The following CNOT4 variants were observed in gnomAD, a reference collection of about 807,000 sequenced individuals.
CNOT4 encodes the protein CCR4-NOT transcription complex subunit 4.
A neutral mutation model predicts 73.8 loss-of-function variants in CNOT4; 8 were observed. The ratio of observed to expected loss-of-function variants is 0.11; its 90% CI spans 0.06 to 0.20. CNOT4 has a LOEUF of 0.20. Among genes scored for constraint, CNOT4 ranks in the 10% least tolerant of loss-of-function variants. The pLI, the probability that CNOT4 is intolerant of heterozygous loss-of-function variation, is 1.00. For synonymous variants in CNOT4, 293 were observed against 321.1 expected (o/e 0.91, Z 0.94); for missense variants, 564 against 883.4 (o/e 0.64, Z 4.58).
At chr7:135,456,237 C>A (rs150524421) in intron 1 of CNOT4, among the ~76,000 whole-genome samples, 56 of 152,282 alleles carry the variant, frequency 3.7e-4, no homozygotes, top group Non-Finnish European at 7.6e-4. Flanking sequence ...CATATTACAA[C>A]AAACTGATTT....
intron 1 of CNOT4, among the ~76,000 whole-genome samples, chr7:135,504,482 T>TA: frequency 1.7e-5 from 1 of 57,176 alleles, no homozygotes; most frequent in East Asian, 3.4e-4. Flanking sequence ...TTTTTTTTTT[T>TA]TTTTTTTATT....
chr7:135,458,754 C>T (rs1370374094), intron 1 of CNOT4, among the ~76,000 whole-genome samples: 1 of 152,074 alleles, frequency 6.6e-6, no homozygotes, highest in Non-Finnish European at 1.5e-5. Context: ...TGCAGCAATT[C>T]AGTCACATCT....
intron 1 of CNOT4, among the ~76,000 whole-genome samples, chr7:135,441,956 C>A (rs1799506004): frequency 6.6e-6 from 1 of 152,150 alleles, no homozygotes; most frequent in Admixed American, 6.5e-5. Context: ...CAGAAGCCAG[C>A]TGCCAAAAGT....
chr7:135,373,179 G>C (rs1458244043), intron 10 of CNOT4, among the ~76,000 whole-genome samples: 1 of 152,132 alleles, frequency 6.6e-6, no homozygotes, highest in Non-Finnish European at 1.5e-5. Flanking sequence ...ATGATCTGAG[G>C]AAAGTGAAAA....
At chr7:135,398,138 TA>T in intron 8 of CNOT4, 30 bp downstream of exon 8, 1 of 1,241,330 alleles carries the variant, frequency 8.1e-7, no homozygotes, top group Non-Finnish European at 1.2e-6. Flanking sequence ...GTATGGCAAA[TA>T]AATCAAGTGA....
intron 2 of CNOT4, among the ~76,000 whole-genome samples, chr7:135,424,040 AACACACACACACACACACACACAC>A (rs3138785): frequency 2.4e-4 from 34 of 144,302 alleles, no homozygotes; most frequent in African/African-American, 7.7e-4. Context: ...AAACAAACAA[AACACACACACACACACACACACAC>A]ACACACACAC....
At chr7:135,386,245 T>G (rs1796115197) in intron 10 of CNOT4, 1 of 150,800 alleles carries the variant, frequency 6.6e-6, no homozygotes, top group Non-Finnish European at 1.5e-5. Context: ...AAAATGGACA[T>G]ATGTACATGC....
intron 1 of CNOT4, among the ~76,000 whole-genome samples, chr7:135,507,578 T>A (rs1224766962): frequency 1.3e-5 from 2 of 152,160 alleles, no homozygotes. Context: ...AAAGAATTAC[T>A]TGAGAAAATA....
At chr7:135,388,971 T>C in intron 10 of CNOT4, 1 of 1,363,610 alleles carries the variant, frequency 7.3e-7, no homozygotes, top group South Asian at 1.3e-5. Context: ...ATTTCAATAT[T>C]TGGAATACTG....
At chr7:135,433,931 G>A (rs1004425776) in intron 2 of CNOT4, among the ~76,000 whole-genome samples, 5 of 152,112 alleles carry the variant, frequency 3.3e-5, no homozygotes, top group Non-Finnish European at 5.9e-5. Context: ...GACCAAACGG[G>A]AACACTAAAC....
chr7:135,488,938 A>C (rs1419795984), intron 1 of CNOT4, among the ~76,000 whole-genome samples: 1 of 152,160 alleles, frequency 6.6e-6, no homozygotes, highest in African/African-American at 2.4e-5. Context: ...TTTTAAAAAA[A>C]GGAAAAAGAA....
chr7:135,507,606 C>T (rs992468990), intron 1 of CNOT4, among the ~76,000 whole-genome samples: 1 of 151,892 alleles, frequency 6.6e-6, no homozygotes, highest in African/African-American at 2.4e-5. Context: ...AGACAAATAC[C>T]TTTTTTTAAA....
chr7:135,379,033 C>G (rs1563014054), intron 10 of CNOT4, among the ~76,000 whole-genome samples: 1 of 150,262 alleles, frequency 6.7e-6, no homozygotes, highest in African/African-American at 2.4e-5. Flanking sequence ...AAAATTCAAG[C>G]CTGTCAGGAA....
chr7:135,363,089 G>A lies in CNOT4; in HGVS notation c.1938C>T (p.Gly646=), dbSNP rs1053667444. The A allele has an allele frequency of 1.2e-6, 2 of 1,614,108 alleles. No homozygotes were observed. The highest frequency in any genetic ancestry group is 1.7e-6 in the Non-Finnish European group (2 of 1,180,018). The change falls in exon 12 of 12, where the codon GGC becomes GGT. Residue 646 remains glycine, a synonymous_variant. Transcript: ENST00000541284. The surrounding 1 kb of genome is among the most constrained non-coding windows in gnomAD (Gnocchi z 4.3). ...GGGTCTGTGATGGAGCAGCGCTGGG[G>A]CCGTCCATCTCTGTGAGGGCCTGAA... ...KSLQALTEMD[G]PSAAPSQTHH... is the part of the protein sequence containing the mutation.
chr7:135,463,260 G>A (rs923499168), intron 1 of CNOT4, among the ~76,000 whole-genome samples: 6 of 152,122 alleles, frequency 3.9e-5, no homozygotes, highest in East Asian at 1.9e-4. Flanking sequence ...CTGGAAGACC[G>A]GGCACGGTGG....
intron 1 of CNOT4, among the ~76,000 whole-genome samples, chr7:135,484,426 C>T (rs967998900): frequency 8.6e-5 from 13 of 151,834 alleles, no homozygotes; most frequent in Admixed American, 8.5e-4. Flanking sequence ...CAAAAATCCC[C>T]CCAAAATAAT....
intron 10 of CNOT4, among the ~76,000 whole-genome samples, chr7:135,390,182 A>G (rs543168238): frequency 6.6e-6 from 1 of 152,272 alleles, no homozygotes; most frequent in African/African-American, 2.4e-5. Flanking sequence ...ACGGGAAGAA[A>G]GCCAAGTTAA....
chr7:135,441,371 CT>C (rs1799470879), intron 1 of CNOT4, among the ~76,000 whole-genome samples: 1 of 150,728 alleles, frequency 6.6e-6, no homozygotes, highest in South Asian at 2.1e-4. Context: ...GAAATAGTGT[CT>C]TCTTGTGAAT....
intron 1 of CNOT4, among the ~76,000 whole-genome samples, chr7:135,503,456 CA>C (rs58546257): frequency 0.013 from 1,753 of 133,062 alleles, 37 homozygotes; most frequent in African/African-American, 0.044. Flanking sequence ...GAGACCATCT[CA>C]AAAAAAAAAA....
Sources: allele counts gnomAD v4.1 joint callset (sites outside exome capture counted in the v4.1 genomes callset), GRCh38; gene constraint gnomAD v4.1.1; non-coding constraint Gnocchi (gnomAD v3.1); transcripts MANE v1.5; gene names NCBI Gene and HGNC (gene_info 2026-07-23, HGNC 2026-07-21).